HERPUD2: variants seen among roughly 807,000 people sequenced by gnomAD.
HERPUD2 encodes homocysteine-responsive endoplasmic reticulum-resident ubiquitin-like domain member 2 protein.
HERPUD2 carries 13 observed loss-of-function variants against 49.9 expected under a neutral mutation model. The ratio of observed to expected loss-of-function variants is 0.26; its 90% CI spans 0.17 to 0.41. The LOEUF is 0.41. Among genes scored for constraint, HERPUD2 ranks in the 10% least tolerant of loss-of-function variants. HERPUD2 has a pLI of 1.00. For synonymous variants in HERPUD2, 172 were observed against 171.4 expected (o/e 1.00, Z -0.03); for missense variants, 449 against 492.2 (o/e 0.91, Z 0.83).
In HERPUD2 at chr7:35,667,486, G is replaced by T; in HGVS notation, c.442C>A (p.Gln148Lys). 6.2e-7 allele frequency: 1 copy of T among 1,614,022 alleles called. No homozygotes were observed. Among genetic ancestry groups the T allele is most frequent in the East Asian group, 2.2e-5 (1 of 44,866 alleles). ...SEGLRQRTLPQAQTDQAQSHQ... is the reference protein window; with the variant it reads ...SEGLRQRTLPKAQTDQAQSHQ... ...CTCTGTGCTTGGTCAGTTTGTGCTT[G>T]TGGAAGGGTACGCTGCCTCAATCCT... The change falls in exon 5 of 9, where the codon CAA becomes AAA. Residue 148 changes from glutamine to lysine, a missense_variant. Transcript: ENST00000311350.
intron 6 of HERPUD2, among the ~76,000 whole-genome samples, chr7:35,636,289 A>G (rs573004810): frequency 1.3e-5 from 2 of 152,352 alleles, no homozygotes; most frequent in Admixed American, 6.5e-5. Context: ...GAAGTTAATA[A>G]TCAAGAGAGC....
chr7:35,655,879 A>T (rs1197235732), intron 5 of HERPUD2, among the ~76,000 whole-genome samples: 1 of 152,150 alleles, frequency 6.6e-6, no homozygotes, highest in Non-Finnish European at 1.5e-5. Context: ...AAAGAAATCG[A>T]GCCGAGTGTG....
intron 5 of HERPUD2, among the ~76,000 whole-genome samples, chr7:35,650,761 G>A (rs1015269803): frequency 2.0e-5 from 3 of 152,126 alleles, no homozygotes; most frequent in South Asian, 2.1e-4. Flanking sequence ...ACCAATTTAC[G>A]ACTGTTGTCA....
At chr7:35,661,850 A>G (rs944442836) in intron 5 of HERPUD2, among the ~76,000 whole-genome samples, 4 of 152,198 alleles carry the variant, frequency 2.6e-5, no homozygotes, top group African/African-American at 9.7e-5. Flanking sequence ...TCATTTCCTA[A>G]TTGAATACCC....
chr7:35,637,241 C>T (rs1201855816), intron 6 of HERPUD2, among the ~76,000 whole-genome samples: 1 of 151,904 alleles, frequency 6.6e-6, no homozygotes, highest in Non-Finnish European at 1.5e-5. Flanking sequence ...TAAGGAAATA[C>T]AGTAAAAAGA....
Position 35,673,285 on chromosome 7 carries a change from A to G in HERPUD2, c.148-7T>C. ...ATCTCTGATCCTTCGTCAACTAAGA[A>G]ATGGGACAAAGAAAAGAATTCAACT... On this transcript the variant is annotated splice_region_variant and splice_polypyrimidine_tract_variant and intron_variant, in intron 2 of 8. Transcript: ENST00000311350. The G allele has an allele frequency of 6.2e-7, 1 of 1,601,402 alleles. No homozygotes were observed. Among genetic ancestry groups the G allele is most frequent in the Non-Finnish European group, 8.5e-7 (1 of 1,172,112 alleles).
intron 2 of HERPUD2, among the ~76,000 whole-genome samples, chr7:35,674,406 G>GAT (rs1562682825): frequency 6.5e-5 from 1 of 15,478 alleles, no homozygotes; most frequent in Non-Finnish European, 1.1e-4. Flanking sequence ...TATATATATA[G>GAT]AGAGAGAGAG....
intron 5 of HERPUD2, among the ~76,000 whole-genome samples, chr7:35,663,052 A>T (rs1785460561): frequency 6.6e-6 from 1 of 152,160 alleles, no homozygotes; most frequent in Non-Finnish European, 1.5e-5. Context: ...TGTGTCCCAG[A>T]GATTCTGGTA....
chr7:35,647,846 TGTA>T (rs1435532173), intron 5 of HERPUD2, among the ~76,000 whole-genome samples: 4 of 152,216 alleles, frequency 2.6e-5, no homozygotes, highest in Admixed American at 6.5e-5. Context: ...TTTTATAAAA[TGTA>T]GTGAAGTAAG....
chr7:35,685,152 G>A (rs1786009344), intron 2 of HERPUD2, among the ~76,000 whole-genome samples: 1 of 151,312 alleles, frequency 6.6e-6, no homozygotes, highest in South Asian at 2.1e-4. Flanking sequence ...GGGGTAGGAG[G>A]ATCACTTTAG....
intron 8 of HERPUD2, 38 bp from the exon 9 acceptor site, chr7:35,633,889 T>C (rs1784828900): frequency 2.0e-5 from 32 of 1,584,392 alleles, no homozygotes; most frequent in Non-Finnish European, 2.7e-5. Context: ...CTGAGTGATA[T>C]GAACGAGCAT....
chr7:35,640,701 A>C (rs1030003331), intron 5 of HERPUD2, among the ~76,000 whole-genome samples: 6 of 152,208 alleles, frequency 3.9e-5, no homozygotes, highest in African/African-American at 1.4e-4. Flanking sequence ...CAAGGAATAA[A>C]GGATCTGATG....
At chr7:35,665,729 T>C (rs1371169037) in intron 5 of HERPUD2, among the ~76,000 whole-genome samples, 1 of 152,244 alleles carries the variant, frequency 6.6e-6, no homozygotes, top group African/African-American at 2.4e-5. Flanking sequence ...TCGGCCATCT[T>C]GGCGCCACCT....
At chr7:35,655,883 G>C (rs555760397) in intron 5 of HERPUD2, among the ~76,000 whole-genome samples, 2 of 152,298 alleles carry the variant, frequency 1.3e-5, no homozygotes, top group East Asian at 3.9e-4. Context: ...AAATCGAGCC[G>C]AGTGTGGTGG....
At chr7:35,657,136 C>G (rs984255099) in intron 5 of HERPUD2, among the ~76,000 whole-genome samples, 1 of 151,942 alleles carries the variant, frequency 6.6e-6, no homozygotes, top group African/African-American at 2.4e-5. Flanking sequence ...GTAGAATATA[C>G]AAAGAACTCA....
intron 2 of HERPUD2, among the ~76,000 whole-genome samples, chr7:35,691,576 G>A (rs569987705): frequency 6.6e-6 from 1 of 152,258 alleles, no homozygotes; most frequent in South Asian, 2.1e-4. Flanking sequence ...GCCCTACTCT[G>A]CTAAGTCCAC....
intron 5 of HERPUD2, among the ~76,000 whole-genome samples, chr7:35,663,829 T>C (rs1785482404): frequency 6.6e-6 from 1 of 151,974 alleles, no homozygotes; most frequent in African/African-American, 2.4e-5. Flanking sequence ...ATACAGCAGA[T>C]GGGTCTTGAC....
Position 35,633,528 on chromosome 7 carries a change from C to T in HERPUD2, c.*162G>A. The T allele has an allele frequency of 2.1e-6, 1 of 476,490 alleles. No individual in the cohort carries two copies. Among genetic ancestry groups the T allele is most frequent in the Non-Finnish European group, 3.7e-6 (1 of 272,106 alleles). The allele number at this position is 476,490 out of a possible 1,614,324, so 29.5% of individuals were successfully genotyped here. On this transcript the variant is annotated 3_prime_UTR_variant, in exon 9 of 9. Transcript: ENST00000311350. ...AAAAAAACTCAGATATTTAGTAGTCCATTCGTGCTTAAAATATTCATATGC... is the reference window on the plus strand; with the variant it reads ...AAAAAAACTCAGATATTTAGTAGTCTATTCGTGCTTAAAATATTCATATGC...
chr7:35,633,619 TGAAA>T lies in HERPUD2; in HGVS notation c.*67_*70del. The T allele has an allele frequency of 7.2e-7, 1 of 1,385,688 alleles. No individual in the cohort carries two copies. Among genetic ancestry groups the T allele is most frequent in the South Asian group, 1.4e-5 (1 of 71,164 alleles). The allele number at this position is 1,385,688 out of a possible 1,614,324, so 85.8% of individuals were successfully genotyped here. On this transcript the variant is annotated 3_prime_UTR_variant, in exon 9 of 9. Coordinates refer to ENST00000311350, the MANE Select transcript of HERPUD2 (RefSeq NM_022373.5). ...ATCAAAAGAAAGTTATAAATTTTTT[TGAAA>T]TTGCACTGTTATTTAAACCACTTTC... is the stretch of plus-strand genomic sequence containing the variant.
Sources: allele counts gnomAD v4.1 joint callset (sites outside exome capture counted in the v4.1 genomes callset), GRCh38; gene constraint gnomAD v4.1.1; transcripts MANE v1.5; gene names NCBI Gene and HGNC (gene_info 2026-07-23, HGNC 2026-07-21).